DAPP1: variants seen among roughly 807,000 people sequenced by gnomAD.
The protein encoded by DAPP1 is dual adapter for phosphotyrosine and 3-phosphotyrosine and 3-phosphoinositide.
Under a neutral mutation model 41.5 loss-of-function variants are expected in DAPP1, and 20 were observed. The ratio of observed to expected loss-of-function variants is 0.48; its 90% CI spans 0.34 to 0.70. The LOEUF is 0.70. DAPP1 is among the 30% of genes least tolerant of loss of function. DAPP1 has a pLI of 0.01. For missense variants in DAPP1, 233 were observed against 333.4 expected (o/e 0.70, Z 2.35); for synonymous variants, 113 against 116.2 (o/e 0.97, Z 0.18).
chr4:99,848,066 C>T (rs1451199044), intron 3 of DAPP1, among the ~76,000 whole-genome samples: 2 of 152,002 alleles, frequency 1.3e-5, no homozygotes, highest in South Asian at 2.1e-4. Context: ...CCCCCTCGGC[C>T]TCCAAAAGTG....
rs1402230230 is a variant in DAPP1, at chr4:99,853,271, A to G, written c.412A>G (p.Ile138Val). The G allele has an allele frequency of 2.5e-6, 4 of 1,613,908 alleles. No homozygotes were observed. Among genetic ancestry groups the G allele is most frequent in the Non-Finnish European group, 3.4e-6 (4 of 1,179,834 alleles). Residue 138 changes from isoleucine to valine, a missense_variant, in exon 4 of 9, where the codon ATT (isoleucine) becomes GTT (valine). By Grantham distance (29) the Ile-to-Val change is conservative. Coordinates refer to ENST00000512369, the MANE Select transcript of DAPP1 (RefSeq NM_014395.3). Reference protein sequence around the residue: ...PYPRKVEEPSIYESVRVHTAM... With the variant: ...PYPRKVEEPSVYESVRVHTAM... ...CCCAAGAAAAGTGGAAGAACCCTCC[A>G]TTTATGAATCTGTCCGGGTTCACAC...
At chr4:99,871,863 C>A (rs1724634441), downstream of DAPP1, among the ~76,000 whole-genome samples, 1 of 152,222 alleles carries the variant, frequency 6.6e-6, no homozygotes, top group Non-Finnish European at 1.5e-5. Flanking sequence ...CACCAGTCTC[C>A]AGTGGCCAGA....
intron 3 of DAPP1, among the ~76,000 whole-genome samples, chr4:99,852,155 C>T (rs1723884853): frequency 1.3e-5 from 2 of 152,112 alleles, no homozygotes; most frequent in Admixed American, 1.3e-4. Flanking sequence ...TCGATAAGAG[C>T]ATTTAAACTC....
intron 3 of DAPP1, among the ~76,000 whole-genome samples, chr4:99,842,631 A>T (rs1723531189): frequency 6.6e-6 from 1 of 152,250 alleles, no homozygotes; most frequent in Non-Finnish European, 1.5e-5. Context: ...AATGTGCTCA[A>T]GTCATGATGA....
intron 1 of DAPP1, among the ~76,000 whole-genome samples, chr4:99,823,131 G>C (rs1722827437): frequency 6.6e-6 from 1 of 152,118 alleles, no homozygotes; most frequent in African/African-American, 2.4e-5. Flanking sequence ...TAAAGTGTCA[G>C]GATATCTGTA....
Position 99,816,951 on chromosome 4 carries a change from C to T in DAPP1, c.38C>T (p.Thr13Ile). The T allele has an allele frequency of 6.2e-7, 1 of 1,609,312 alleles. No individual in the cohort carries two copies. The highest frequency in any genetic ancestry group is 1.7e-5 in the Admixed American group (1 of 59,450). ...GAACTTCTAGAAGGGAAGATGAGCA[C>T]CCAGGATCCCTCAGATCTGTGGAGC... ...RAELLEGKMS[T>I]QDPSDLWSRS... Residue 13 changes from threonine (T) to isoleucine (I), a missense_variant, in exon 1 of 9, where the codon ACC (threonine) becomes ATC (isoleucine). Thr to Ile is a moderately conservative substitution (Grantham distance 89). Coordinates refer to ENST00000512369, the MANE Select transcript of DAPP1 (RefSeq NM_014395.3).
At chr4:99,834,643 G>T (rs139652759) in intron 1 of DAPP1, among the ~76,000 whole-genome samples, 20 of 152,230 alleles carry the variant, frequency 1.3e-4, no homozygotes, top group Middle Eastern at 3.4e-3. Context: ...ACCAAAAAAA[G>T]AAGGAAATTG....
At chr4:99,864,043 C>T in intron 7 of DAPP1, 188 bp downstream of exon 7, 1 of 482,612 alleles carries the variant, frequency 2.1e-6, no homozygotes, top group East Asian at 3.8e-5. Context: ...AACAAACAGG[C>T]AGGTCAGCTC....
At chr4:99,818,210 C>A (rs1211130419) in intron 1 of DAPP1, among the ~76,000 whole-genome samples, 1 of 152,096 alleles carries the variant, frequency 6.6e-6, no homozygotes, top group Non-Finnish European at 1.5e-5. Flanking sequence ...GAAAACTCCC[C>A]TTATTAGGAA....
At chr4:99,825,227 G>A (rs765850612) in intron 1 of DAPP1, among the ~76,000 whole-genome samples, 1 of 151,948 alleles carries the variant, frequency 6.6e-6, no homozygotes, top group Middle Eastern at 3.2e-3. Context: ...CTTTCTATCC[G>A]TCTGTCTGCA....
At position 99,863,772 on chromosome 4, in the gene DAPP1, AC is replaced by A; in HGVS notation, c.605del (p.Pro202GlnfsTer7). 6.4e-7 allele frequency: 1 copy of A among 1,567,202 alleles called. No individual in the cohort carries two copies. The highest frequency in any genetic ancestry group is 8.6e-7 in the Non-Finnish European group (1 of 1,156,654). ...ACGTTGCTTTTTATTTTATTTAGTC[AC>A]CAGAACCAATTCGGATCCTAGACCT... ...ELKYFKDQMS[P>X]EPIRILDLTE... On this transcript the variant is annotated frameshift_variant, in exon 7 of 9. Transcript: ENST00000512369. LOFTEE classifies it high-confidence loss of function.
At chr4:99,867,931 A>G (rs1051085978) in intron 8 of DAPP1, among the ~76,000 whole-genome samples, 186 bp from the exon 9 acceptor site, 6 of 152,216 alleles carry the variant, frequency 3.9e-5, no homozygotes, top group Non-Finnish European at 8.8e-5. Context: ...TGTGTCCTAA[A>G]AAAAAATACA....
chr4:99,862,078 A>G (rs1379719341), intron 5 of DAPP1, among the ~76,000 whole-genome samples: 2 of 152,206 alleles, frequency 1.3e-5, no homozygotes, highest in Non-Finnish European at 2.9e-5. Flanking sequence ...AGAGTATCCA[A>G]ATGTTCCCCA....
chr4:99,820,388 A>G (rs1033477087), intron 1 of DAPP1, among the ~76,000 whole-genome samples: 2 of 141,200 alleles, frequency 1.4e-5, no homozygotes, highest in African/African-American at 5.5e-5. Flanking sequence ...ACATATAGCT[A>G]TATATATGTA....
At chr4:99,840,773 T>G (rs1042764061) in intron 3 of DAPP1, among the ~76,000 whole-genome samples, 7 of 152,200 alleles carry the variant, frequency 4.6e-5, no homozygotes, top group African/African-American at 1.7e-4. Flanking sequence ...TTTTAAAAAC[T>G]AAAATTCCCA....
chr4:99,817,074 A>G (rs758436127), intron 1 of DAPP1, 60 bp downstream of exon 1: 8 of 1,272,524 alleles, frequency 6.3e-6, no homozygotes, highest in Non-Finnish European at 8.9e-6. Context: ...CCGCACTCCC[A>G]CCTGCATGCT....
At chr4:99,858,675 C>A (rs757962658) in intron 4 of DAPP1, among the ~76,000 whole-genome samples, 1 of 152,158 alleles carries the variant, frequency 6.6e-6, no homozygotes, top group Admixed American at 6.5e-5. Flanking sequence ...TGTTACCAAA[C>A]GATGACTCTC....
intron 1 of DAPP1, among the ~76,000 whole-genome samples, chr4:99,825,883 CT>C (rs1490232726): frequency 6.6e-6 from 1 of 152,182 alleles, no homozygotes; most frequent in Non-Finnish European, 1.5e-5. Flanking sequence ...ATGTCACAAC[CT>C]GATTCTAATA....
At chr4:99,817,061 A>T (rs144294009) in intron 1 of DAPP1, 47 bp downstream of exon 1, 3 of 1,383,710 alleles carry the variant, frequency 2.2e-6, no homozygotes, top group African/African-American at 2.9e-5. Flanking sequence ...GTGGACATTG[A>T]CTCCGCACTC....
Sources: allele counts gnomAD v4.1 joint callset (sites outside exome capture counted in the v4.1 genomes callset), GRCh38; gene constraint gnomAD v4.1.1; transcripts MANE v1.5; gene names NCBI Gene and HGNC (gene_info 2026-07-23, HGNC 2026-07-21).